SLC24A2: variants seen among roughly 807,000 people sequenced by gnomAD.
SLC24A2 encodes the protein sodium/potassium/calcium exchanger 2.
A neutral mutation model predicts 62.0 loss-of-function variants in SLC24A2; 36 were observed. The ratio of observed to expected loss-of-function variants is 0.58; its 90% CI spans 0.44 to 0.77. SLC24A2 has a LOEUF of 0.77. Among genes scored for constraint, SLC24A2 ranks in the 30% least tolerant of loss-of-function variants. The pLI, the probability that SLC24A2 is intolerant of heterozygous loss-of-function variation, is 0.00. For synonymous variants in SLC24A2, 358 were observed against 294.0 expected (o/e 1.22, Z -2.23); for missense variants, 846 against 817.9 (o/e 1.03, Z -0.42).
chr9:19,643,414 A>G (rs531132098), intron 2 of SLC24A2, among the ~76,000 whole-genome samples: 2 of 152,332 alleles, frequency 1.3e-5, no homozygotes, highest in South Asian at 4.1e-4. Context: ...CTTAATGGGT[A>G]CCACCACTAA....
chr9:19,754,415 C>T (rs1375814004), intron 2 of SLC24A2, among the ~76,000 whole-genome samples: 2 of 152,216 alleles, frequency 1.3e-5, no homozygotes, highest in African/African-American at 2.4e-5. Flanking sequence ...AACCTTTGAG[C>T]CTTGAATTCT....
At chr9:20,097,239 G>C in the SLC24A2 span, among the ~76,000 whole-genome samples, 1 of 152,092 alleles carries the variant, frequency 6.6e-6, no homozygotes. Context: ...GGATGATTGG[G>C]AGCAAAGCTG....
At chr9:20,017,613 A>G in the SLC24A2 span, among the ~76,000 whole-genome samples, 1 of 152,166 alleles carries the variant, frequency 6.6e-6, no homozygotes, top group East Asian at 1.9e-4. Flanking sequence ...AGCCAGTGCG[A>G]GCCCCAAAAC....
chr9:19,709,326 C>T (rs1283971047), intron 2 of SLC24A2, among the ~76,000 whole-genome samples: 2 of 152,178 alleles, frequency 1.3e-5, no homozygotes, highest in South Asian at 2.1e-4. Context: ...ACTAGTTCAA[C>T]TATTGTGGAA....
the SLC24A2 span, among the ~76,000 whole-genome samples, chr9:20,278,025 G>C: frequency 6.6e-6 from 1 of 151,400 alleles, no homozygotes; most frequent in African/African-American, 2.4e-5. Flanking sequence ...TCATAGGTGG[G>C]AATTGAACAA....
chr9:19,884,559 T>G, the SLC24A2 span, among the ~76,000 whole-genome samples: 1 of 152,220 alleles, frequency 6.6e-6, no homozygotes, highest in Non-Finnish European at 1.5e-5. Context: ...ACTCTTATGC[T>G]TATGTATATA....
the SLC24A2 span, among the ~76,000 whole-genome samples, chr9:20,025,244 G>A: frequency 2.0e-5 from 3 of 152,094 alleles, no homozygotes; most frequent in African/African-American, 4.8e-5. Flanking sequence ...ACGCTAGAAT[G>A]TATTAACCTT....
intron 2 of SLC24A2, among the ~76,000 whole-genome samples, chr9:19,699,058 T>C (rs1403740486): frequency 6.6e-6 from 1 of 152,132 alleles, no homozygotes; most frequent in Non-Finnish European, 1.5e-5. Flanking sequence ...ACTACAAAGA[T>C]GAATAAGATG....
intron 2 of SLC24A2, among the ~76,000 whole-genome samples, chr9:19,682,609 A>G (rs1587145155): frequency 1.3e-5 from 2 of 152,194 alleles, no homozygotes; most frequent in East Asian, 3.9e-4. Context: ...TACATTATAT[A>G]GTGTGACACA....
the SLC24A2 span, among the ~76,000 whole-genome samples, chr9:20,160,071 A>G: frequency 6.6e-6 from 1 of 151,464 alleles, no homozygotes; most frequent in Non-Finnish European, 1.5e-5. Flanking sequence ...AGTAATTCAT[A>G]AAGGGCAAAA....
chr9:19,722,303 G>C (rs1325921239), intron 2 of SLC24A2, among the ~76,000 whole-genome samples: 1 of 152,074 alleles, frequency 6.6e-6, no homozygotes, highest in East Asian at 1.9e-4. Flanking sequence ...TTCTCTTGAA[G>C]TAATAAAAAT....
intron 2 of SLC24A2, among the ~76,000 whole-genome samples, chr9:19,683,145 C>T (rs964029260): frequency 6.6e-6 from 1 of 152,072 alleles, no homozygotes; most frequent in African/African-American, 2.4e-5. Context: ...TTTGAAAGGA[C>T]AGTACATTAA....
At chr9:20,154,592 C>T in the SLC24A2 span, among the ~76,000 whole-genome samples, 3 of 150,828 alleles carry the variant, frequency 2.0e-5, no homozygotes, top group South Asian at 2.1e-4. Context: ...GGTAACATTA[C>T]GTAAGGTGTA....
At chr9:20,078,768 G>C in the SLC24A2 span, among the ~76,000 whole-genome samples, 254 of 152,236 alleles carry the variant, frequency 1.7e-3, 1 homozygote, top group Middle Eastern at 6.8e-3. Flanking sequence ...TCCTCCAAAA[G>C]AATGCCTCCC....
At chr9:20,183,712 G>C in the SLC24A2 span, among the ~76,000 whole-genome samples, 1 of 152,178 alleles carries the variant, frequency 6.6e-6, no homozygotes, top group Non-Finnish European at 1.5e-5. Context: ...GGAATCATTT[G>C]GGGGATGAAA....
chr9:19,986,957 T>C, the SLC24A2 span, among the ~76,000 whole-genome samples: 3 of 152,042 alleles, frequency 2.0e-5, no homozygotes, highest in East Asian at 5.8e-4. Flanking sequence ...AGTTAAGAAA[T>C]AAAAAGGATA....
the SLC24A2 span, among the ~76,000 whole-genome samples, chr9:20,307,617 G>A: frequency 5.3e-5 from 8 of 152,246 alleles, 1 homozygote; most frequent in South Asian, 6.2e-4. Context: ...ACTATACTTG[G>A]GGTCCAGGAA....
At chr9:20,160,701 C>A in the SLC24A2 span, among the ~76,000 whole-genome samples, 1 of 150,484 alleles carries the variant, frequency 6.6e-6, no homozygotes, top group Non-Finnish European at 1.5e-5. Context: ...ACAGAATTTC[C>A]GAAAAATAAT....
the SLC24A2 span, among the ~76,000 whole-genome samples, chr9:20,055,615 C>T: frequency 4.6e-5 from 7 of 152,190 alleles, no homozygotes; most frequent in East Asian, 3.9e-4. Context: ...AGGCCAGGCG[C>T]GGTGGTTCAT....
Sources: allele counts gnomAD v4.1 joint callset (sites outside exome capture counted in the v4.1 genomes callset), GRCh38; gene constraint gnomAD v4.1.1; transcripts MANE v1.5; gene names NCBI Gene and HGNC (gene_info 2026-07-23, HGNC 2026-07-21).